The following PLCB4 variants were observed in gnomAD, a reference collection of about 807,000 sequenced individuals.
PLCB4 encodes the protein phospholipase C beta 4, also known as 1-phosphatidylinositol 4,5-bisphosphate phosphodiesterase beta-4.
A neutral mutation model predicts 178.8 loss-of-function variants in PLCB4; 77 were observed. That is an observed-to-expected ratio of 0.43 (90% confidence interval 0.36 to 0.52). PLCB4 has a LOEUF of 0.52. PLCB4 is among the 20% of genes least tolerant of loss of function. The pLI is 0.00. For missense variants in PLCB4, 1,024 were observed against 1,453.4 expected (o/e 0.70, Z 4.80); for synonymous variants, 496 against 490.8 (o/e 1.01, Z -0.14).
Position 9,457,291 on chromosome 20 carries a change from A to G in PLCB4, c.2997-123A>G, listed in dbSNP as rs73897444. 4,350 of 661,054 alleles carry G rather than the reference A, an allele frequency of 6.6e-3. 122 individuals carry two copies. The highest frequency in any genetic ancestry group is 0.064 in the African/African-American group (3,548 of 55,070). 40.9% of individuals were successfully genotyped at this position (661,054 alleles called of 1,614,324 possible). ...TTACTAGAAAGACCAGTGTTGCCCA[A>G]TGAGCCATGACATCTCATATTTGAT... On this transcript the variant is annotated intron_variant, in intron 33 of 39. Transcript: ENST00000378473.
intron 2 of PLCB4, chr20:9,166,368 CGTTTG>C (rs917492459): frequency 1.3e-5 from 2 of 152,154 alleles, no homozygotes; most frequent in African/African-American, 4.8e-5. Context: ...CTGTGACAAG[CGTTTG>C]CTGTATTTGT....
At chr20:9,269,678 G>A (rs1178915039) in intron 3 of PLCB4, among the ~76,000 whole-genome samples, 3 of 151,978 alleles carry the variant, frequency 2.0e-5, no homozygotes, top group Non-Finnish European at 4.4e-5. Flanking sequence ...AGAGATCAAG[G>A]CAAAGAAAAG....
At chr20:9,410,163 AT>A (rs1411990521) in intron 24 of PLCB4, among the ~76,000 whole-genome samples, 1 of 152,164 alleles carries the variant, frequency 6.6e-6, no homozygotes, top group Non-Finnish European at 1.5e-5. Flanking sequence ...TGTGCTTCTC[AT>A]GCCTTGAAGG....
chr20:9,443,987 A>G lies in PLCB4; in HGVS notation c.2771A>G (p.Glu924Gly), dbSNP rs751046122. The G allele has an allele frequency of 1.3e-6, 2 of 1,583,732 alleles. No homozygotes were observed. Among genetic ancestry groups the G allele is most frequent in the Admixed American group, 1.7e-5 (1 of 57,494 alleles). Residue 924 changes from glutamate (E) to glycine (G), a missense_variant, in exon 31 of 40, where the codon GAA becomes GGA. Physicochemically the swap from Glu to Gly is moderately conservative, Grantham distance 98. Coordinates refer to ENST00000378473, the MANE Select transcript of PLCB4 (RefSeq NM_001377142.1). Reference protein sequence around the residue: ...ASGVEAKKGIELIPQVRIEDL... With the variant: ...ASGVEAKKGIGLIPQVRIEDL... ...ATTTTTTTTGTTTGTTTAGGTATTG[A>G]ACTTATCCCTCAAGTAAGGATAGAA...
chr20:9,439,235 AG>A (rs1236123865), intron 30 of PLCB4, among the ~76,000 whole-genome samples: 3 of 152,218 alleles, frequency 2.0e-5, no homozygotes, highest in Non-Finnish European at 2.9e-5. Flanking sequence ...ATCAGCTGAT[AG>A]GTTGACTGGA....
chr20:9,321,630 T>C (rs1048014180), intron 4 of PLCB4, among the ~76,000 whole-genome samples: 8 of 152,036 alleles, frequency 5.3e-5, no homozygotes, highest in African/African-American at 1.9e-4. Flanking sequence ...TTTTTAGGTT[T>C]TTTGTTTTTT....
chr20:9,372,669 G>T (rs2036353127), intron 11 of PLCB4, among the ~76,000 whole-genome samples: 1 of 151,452 alleles, frequency 6.6e-6, no homozygotes, highest in African/African-American at 2.4e-5. Flanking sequence ...GCTCCTTTAG[G>T]TATTAACCCA....
intron 32 of PLCB4, among the ~76,000 whole-genome samples, chr20:9,451,427 G>A (rs754669421): frequency 3.9e-5 from 6 of 152,110 alleles, no homozygotes; most frequent in Non-Finnish European, 7.3e-5. Flanking sequence ...GATATATTTT[G>A]AGACCTGCAG....
At chr20:9,070,646 T>TA (rs974301617) in intron 1 of PLCB4, among the ~76,000 whole-genome samples, 4 of 152,198 alleles carry the variant, frequency 2.6e-5, no homozygotes, top group African/African-American at 7.2e-5. Flanking sequence ...CCTGTTTTCA[T>TA]AAAAAATCAC....
chr20:9,384,733 C>T (rs34584379), intron 14 of PLCB4, among the ~76,000 whole-genome samples: 12,473 of 150,202 alleles, frequency 0.083, 690 homozygotes, highest in African/African-American at 0.15. Context: ...GTACTTGTTA[C>T]TAGCACCATG....
chr20:9,441,003 G>A (rs2042070449), intron 30 of PLCB4, among the ~76,000 whole-genome samples: 1 of 152,160 alleles, frequency 6.6e-6, no homozygotes, highest in South Asian at 2.1e-4. Flanking sequence ...ACTGTCAGTG[G>A]GAGGTGAGGT....
intron 15 of PLCB4, among the ~76,000 whole-genome samples, chr20:9,388,656 G>A (rs1384900648): frequency 6.6e-6 from 1 of 152,154 alleles, no homozygotes; most frequent in Non-Finnish European, 1.5e-5. Context: ...AGGTTGCAGT[G>A]AAACCAGATC....
chr20:9,390,769 G>A (rs886396834), intron 17 of PLCB4, among the ~76,000 whole-genome samples, 154 bp downstream of exon 17: 12 of 152,190 alleles, frequency 7.9e-5, no homozygotes, highest in African/African-American at 2.9e-4. Context: ...TCAGAGGGAT[G>A]TAAAGAGACA....
rs767863014 is a variant in PLCB4 at position 9,459,774 on chromosome 20, A to G, written c.3212A>G (p.Glu1071Gly). The change falls in exon 35 of 40, where the codon GAG becomes GGG. Residue 1071 changes from glutamate to glycine, a missense_variant. Around this residue, in one of 7 missense-constraint regions of PLCB4, gnomAD observed 264 missense variants for 283.2 expected, o/e 0.93. Transcript: ENST00000378473. ...LLKKLLINAH[E>G]QQTQQLKLSH... is the part of the protein sequence containing the mutation. ...AAAAAGCTACTCATCAATGCCCACG[A>G]GCAGCAAACCCAGCAGCTGAAACTG... The G allele has an allele frequency of 9.3e-6, 15 of 1,612,314 alleles. No homozygotes were observed. Among genetic ancestry groups the G allele is most frequent in the Admixed American group, 3.3e-5 (2 of 59,984 alleles).
In PLCB4 at chr20:9,361,147, A is replaced by G. The variant is rs192337485; in HGVS notation, c.370-1749A>G. Among the ~76,000 whole-genome samples, 455 of 152,358 alleles carry G rather than the reference A, an allele frequency of 3.0e-3. 4 individuals are homozygous for G. Among genetic ancestry groups the G allele is most frequent in the African/African-American group, 0.01 (428 of 41,584 alleles). On this transcript the variant is annotated intron_variant, in intron 7 of 39. Coordinates refer to ENST00000378473, the MANE Select transcript of PLCB4 (RefSeq NM_001377142.1). The stretch of plus-strand genomic sequence containing the variant: ...AAAAATTAAAAAATAGAATTACTAT[A>G]TGATCCAGAAGTTCCACATCTGGTT...
At chr20:9,108,929 G>C (rs916423286) in intron 2 of PLCB4, among the ~76,000 whole-genome samples, 1 of 151,364 alleles carries the variant, frequency 6.6e-6, no homozygotes, top group African/African-American at 2.4e-5. Flanking sequence ...GAGAGAGAAA[G>C]AGAGAGAGGA....
At chr20:9,256,422 C>G (rs1366878826) in intron 3 of PLCB4, among the ~76,000 whole-genome samples, 1 of 152,214 alleles carries the variant, frequency 6.6e-6, no homozygotes, top group Non-Finnish European at 1.5e-5. Flanking sequence ...AGAATTGTCT[C>G]TCTTAGAGAA....
At chr20:9,391,453 G>A (rs2038136393) in intron 17 of PLCB4, among the ~76,000 whole-genome samples, 1 of 152,166 alleles carries the variant, frequency 6.6e-6, no homozygotes, top group African/African-American at 2.4e-5. Flanking sequence ...GGTAGCATGA[G>A]GTAGTGGCAG....
chr20:9,174,848 C>T (rs2093127626), intron 2 of PLCB4, among the ~76,000 whole-genome samples: 2 of 152,150 alleles, frequency 1.3e-5, no homozygotes, highest in South Asian at 4.1e-4. Flanking sequence ...AATACAGAAG[C>T]TACTTAGTAA....
Sources: allele counts gnomAD v4.1 joint callset (sites outside exome capture counted in the v4.1 genomes callset), GRCh38; gene constraint gnomAD v4.1.1; regional missense constraint gnomAD v4.1.1; transcripts MANE v1.5; gene names NCBI Gene and HGNC (gene_info 2026-07-23, HGNC 2026-07-21).